ATXN3L: variants seen among roughly 807,000 people sequenced by gnomAD.
ATXN3L encodes the protein ataxin-3-like protein.
For synonymous variants in ATXN3L, 98 were observed against 96.1 expected (o/e 1.02, Z -0.12); for missense variants, 283 against 255.2 (o/e 1.11, Z -0.74).
At position 13,319,600 on chromosome X, in the gene ATXN3L, A is replaced by T. The variant is rs752553667; in HGVS notation, c.335T>A (p.Phe112Tyr). The change falls in exon 1 of 1, where the codon TTT becomes TAT. Residue 112 changes from phenylalanine to tyrosine, a missense_variant. By Grantham distance (22) the Phe-to-Tyr change is conservative (BLOSUM62 3). Transcript: ENST00000380622. ...CCAGTGTTGTTTATAATTACATATA[A>T]AAGATCTTTCATTTATAGGATCAAT... ...LGIDPINERS[F>Y]ICNYKQHWFT... 3.3e-6 allele frequency: 4 copies of T among 1,210,690 alleles called. No individual in the cohort carries two copies. In the South Asian group the frequency reaches 7.0e-5, roughly 21 times the overall value.
In ATXN3L at chrX:13,319,829, T is replaced by C. The variant is rs904693853; in HGVS notation, c.106A>G (p.Ile36Val). 1 of 1,211,349 alleles carries C rather than the reference T, an allele frequency of 8.3e-7. No individual in the cohort carries two copies. The highest frequency in any genetic ancestry group is 1.8e-5 in the South Asian group (1 of 56,986). The change falls in exon 1 of 1, where the codon ATT becomes GTT. Residue 36 changes from isoleucine to valine, a missense_variant. By Grantham distance (29) the Ile-to-Val change is conservative. Coordinates refer to ENST00000380622, the MANE Select transcript of ATXN3L (RefSeq NM_001135995.2). ...EYFSPVELAS[I>V]AHQLDEEERM... ...TCTTCTTCATCTAGCTGATGTGCAA[T>C]TGAGGCTAATTCCACAGGGCTAAAA...
At position 13,318,790 on chromosome X, in the gene ATXN3L, G is replaced by T; in HGVS notation, c.*77C>A. ...TTATTTCCTCATCTCTTTGACAGATGACCAAAATGGATCCTACAGTATAAT... is the reference window on the plus strand; with the variant it reads ...TTATTTCCTCATCTCTTTGACAGATTACCAAAATGGATCCTACAGTATAAT... On this transcript the variant is annotated 3_prime_UTR_variant, in exon 1 of 1. Transcript: ENST00000380622. The T allele has an allele frequency of 3.2e-6, 3 of 924,169 alleles. No homozygotes were observed. Among genetic ancestry groups the T allele is most frequent in the South Asian group, 2.5e-5 (1 of 39,699 alleles). The allele number at this position is 924,169 out of a possible 1,213,427, so 76.2% of individuals were successfully genotyped here.
At position 13,318,967 on chromosome X, in the gene ATXN3L, C is replaced by T. The variant is rs2044465592; in HGVS notation, c.968G>A (p.Ser323Asn). The change falls in exon 1 of 1, where the codon AGT becomes AAT. Residue 323 changes from serine (S) to asparagine (N), a missense_variant. Physicochemically the swap from Ser to Asn is conservative, Grantham distance 46. Coordinates refer to ENST00000380622, the MANE Select transcript of ATXN3L (RefSeq NM_001135995.2). ...RPTTSSRAIE[S>N]DLSDDISEGT... The stretch of plus-strand genomic sequence containing the variant: ...TTCACTGATGTCATCACTGAGATCA[C>T]TCTCAATTGCTCTCGAACTTGTTGT... The T allele has an allele frequency of 3.3e-6, 4 of 1,210,930 alleles. No homozygotes were observed. The South Asian group carries it at 7.0e-5, about 21-fold the overall frequency.
Position 13,319,521 on chromosome X carries a change from C to T in ATXN3L, c.414G>A (p.Ala138=), listed in dbSNP as rs760813499. The T allele has an allele frequency of 6.6e-6, 8 of 1,209,709 alleles. No homozygotes were observed. The highest frequency in any genetic ancestry group is 2.2e-5 in the Admixed American group (1 of 45,702). Residue 138 remains alanine (A), a synonymous_variant, in exon 1 of 1, where the codon GCG becomes GCA. Coordinates refer to ENST00000380622, the MANE Select transcript of ATXN3L (RefSeq NM_001135995.2). ...ATGTATCTGATATTAATTCTGGACC[C>T]GCCAAGAGAGAATTCAAGTTAAACC... ...KHWFNLNSLL[A]GPELISDTCL...
chrX:13,319,387 A>G lies in ATXN3L; in HGVS notation c.548T>C (p.Val183Ala), dbSNP rs2044472368. The change falls in exon 1 of 1, where the codon GTC (valine) becomes GCC (alanine). Residue 183 changes from valine (V) to alanine (A), a missense_variant. Physicochemically the swap from Val to Ala is moderately conservative, Grantham distance 64. Transcript: ENST00000380622. ...EADQLLQIIS[V>A]EEMDTPKLNG... is the part of the protein sequence containing the mutation. ...AAGTTTTGGTGTATCCATCTCTTCGACACTGATGATCTGCAGGAGTTGGTC... is the reference window on the plus strand; with the variant it reads ...AAGTTTTGGTGTATCCATCTCTTCGGCACTGATGATCTGCAGGAGTTGGTC... 4.1e-6 allele frequency: 5 copies of G among 1,209,559 alleles called. No homozygotes were observed. The highest frequency in any genetic ancestry group is 2.2e-5 in the Admixed American group (1 of 45,684).
At position 13,319,170 on chromosome X, in the gene ATXN3L, C is replaced by G. The variant is rs746258986; in HGVS notation, c.765G>C (p.Met255Ile). ...GCGATGTGTTTCCGGAACTACCTTGCATGCTTAACTCAATAGTACTGCGGA... is the reference window on the plus strand; with the variant it reads ...GCGATGTGTTTCCGGAACTACCTTGGATGCTTAACTCAATAGTACTGCGGA... The part of the protein sequence containing the change: ...EHLRSTIELS[M>I]QGSSGNTSQD... Residue 255 changes from methionine to isoleucine, a missense_variant, in exon 1 of 1, where the codon ATG becomes ATC. Physicochemically the swap from Met to Ile is conservative, Grantham distance 10. Coordinates refer to ENST00000380622, the MANE Select transcript of ATXN3L (RefSeq NM_001135995.2). The G allele has an allele frequency of 7.6e-5, 92 of 1,210,073 alleles. No individual in the cohort carries two copies. Among genetic ancestry groups the G allele is most frequent in the Non-Finnish European group, 1.0e-4 (90 of 895,259 alleles).
chrX:13,319,945 T>G lies in ATXN3L; in HGVS notation c.-11A>C. The G allele has an allele frequency of 8.5e-7, 1 of 1,169,667 alleles. No individual in the cohort carries two copies. Among genetic ancestry groups the G allele is most frequent in the South Asian group, 1.9e-5 (1 of 52,641 alleles). Reference sequence around the variant, plus strand: ...AAAGATGAAATCCATGTTAATTGTATCCGTGAGTTTCTGTAGGTATGCCGG... The same window carrying G: ...AAAGATGAAATCCATGTTAATTGTAGCCGTGAGTTTCTGTAGGTATGCCGG... On this transcript the variant is annotated 5_prime_UTR_variant, in exon 1 of 1. Transcript: ENST00000380622.
At position 13,319,082 on chromosome X, in the gene ATXN3L, CTTCTT is replaced by C. The variant is rs2044467485; in HGVS notation, c.848_852del (p.Lys283ArgfsTer4). On this transcript the variant is annotated frameshift_variant, in exon 1 of 1. Coordinates refer to ENST00000380622, the MANE Select transcript of ATXN3L (RefSeq NM_001135995.2). LOFTEE classifies it low-confidence loss of function (END_TRUNC). ...TCCTGCTGATGCTTTTCAAAATAGTCTTCTTTTATTTTCTTCGGCTGTTCTGAAGC... is the reference window on the plus strand; with the variant it reads ...TCCTGCTGATGCTTTTCAAAATAGTCTTATTTTCTTCGGCTGTTCTGAAGC... The C allele has an allele frequency of 8.3e-7, 1 of 1,211,393 alleles. No individual in the cohort carries two copies. Among genetic ancestry groups the C allele is most frequent in the Non-Finnish European group, 1.1e-6 (1 of 895,402 alleles).
Position 13,319,916 on chromosome X carries a change from C to G in ATXN3L, c.19G>C (p.Glu7Gln), listed in dbSNP as rs2044478074. 5 of 1,203,298 alleles carry G rather than the reference C, an allele frequency of 4.2e-6. No homozygotes were observed. Among genetic ancestry groups the G allele is most frequent in the Non-Finnish European group, 5.6e-6 (5 of 889,308 alleles). Residue 7 changes from glutamate to glutamine, a missense_variant, in exon 1 of 1, where the codon GAG (glutamate) becomes CAG (glutamine). By Grantham distance (29) the Glu-to-Gln change is conservative. Transcript: ENST00000380622. ...GCACACAGGAAACCTTCCTGTTTCT[C>G]ATGAAAGATGAAATCCATGTTAATT... MDFIFHEKQEGFLCAQH... is the reference protein window; with the variant it reads MDFIFHQKQEGFLCAQH...
rs201093759 is a variant in ATXN3L at position 13,319,329 on chromosome X, A to G, written c.606T>C (p.His202=). 6.3e-5 allele frequency: 76 copies of G among 1,209,099 alleles called. No individual in the cohort carries two copies. Among genetic ancestry groups the G allele is most frequent in the Admixed American group, 3.3e-4 (15 of 45,670 alleles). The change falls in exon 1 of 1, where the codon CAT becomes CAC. Residue 202 remains histidine (H), a synonymous_variant. Coordinates refer to ENST00000380622, the MANE Select transcript of ATXN3L (RefSeq NM_001135995.2). ...TTTCAAGGACTGTTTTATAGACTCT[A>G]TGCTCTTTTTGTTTTACTAATTTTT... The part of the protein sequence containing the change: ...NGKKLVKQKE[H]RVYKTVLEKV...
rs2044468563 is a variant in ATXN3L, at chrX:13,319,158, G to A, written c.777C>T (p.Ser259=). 9 of 1,211,371 alleles carry A rather than the reference G, an allele frequency of 7.4e-6. No individual in the cohort carries two copies. The highest frequency in any genetic ancestry group is 3.0e-5 in the East Asian group (1 of 33,851). Reference sequence around the variant, plus strand: ...TTGGAAGATCTTGCGATGTGTTTCCGGAACTACCTTGCATGCTTAACTCAA... The same window carrying A: ...TTGGAAGATCTTGCGATGTGTTTCCAGAACTACCTTGCATGCTTAACTCAA... ...STIELSMQGS[S]GNTSQDLPKT... is the part of the protein sequence containing the mutation. Residue 259 remains serine (S), a synonymous_variant, in exon 1 of 1, where the codon TCC becomes TCT. Transcript: ENST00000380622.
chrX:13,319,239 G>T lies in ATXN3L; in HGVS notation c.696C>A (p.Ala232=). ...SDQDEEDFQR[A]LELSRQETNR... is the part of the protein sequence containing the mutation. Reference sequence around the variant, plus strand: ...TGGTTTCTTGGCGGCTTAGTTCAAGGGCCCTCTGAAAATCCTCCTCATCTT... The same window carrying T: ...TGGTTTCTTGGCGGCTTAGTTCAAGTGCCCTCTGAAAATCCTCCTCATCTT... Residue 232 remains alanine (A), a synonymous_variant, in exon 1 of 1, where the codon GCC becomes GCA. Coordinates refer to ENST00000380622, the MANE Select transcript of ATXN3L (RefSeq NM_001135995.2). The T allele has an allele frequency of 8.3e-7, 1 of 1,211,103 alleles. No individual in the cohort carries two copies. Among genetic ancestry groups the T allele is most frequent in the Non-Finnish European group, 1.1e-6 (1 of 895,124 alleles).
Position 13,319,653 on chromosome X carries a change from G to T in ATXN3L, c.282C>A (p.Phe94Leu). ...CGAGCTTCTGATATTCAGGATTATT[G>T]AAATGGATGATCTCTAAACCCCAGA... ...LKFWGLEIIH[F>L]NNPEYQKLGI... The change falls in exon 1 of 1, where the codon TTC (phenylalanine) becomes TTA (leucine). Residue 94 changes from phenylalanine (F) to leucine (L), a missense_variant. Physicochemically the swap from Phe to Leu is conservative, Grantham distance 22. Coordinates refer to ENST00000380622, the MANE Select transcript of ATXN3L (RefSeq NM_001135995.2). 1 of 1,211,356 alleles carries T rather than the reference G, an allele frequency of 8.3e-7. No individual in the cohort carries two copies. The highest frequency in any genetic ancestry group is 1.1e-6 in the Non-Finnish European group (1 of 895,254).
Position 13,319,459 on chromosome X carries a change from G to A in ATXN3L, c.476C>T (p.Ala159Val), listed in dbSNP as rs780851738. 1.2e-5 allele frequency: 14 copies of A among 1,210,537 alleles called. No individual in the cohort carries two copies. In the East Asian group the frequency reaches 3.0e-4, roughly 26 times the overall value. The stretch of plus-strand genomic sequence containing the variant: ...ACCCTTGACAACAAATACAGAATAT[G>A]CTTGTTGTTGTAATCGAGCCAAGAA... ...ANFLARLQQQ[A>V]YSVFVVKGDL... The change falls in exon 1 of 1, where the codon GCA becomes GTA. Residue 159 changes from alanine (A) to valine (V), a missense_variant. Coordinates refer to ENST00000380622, the MANE Select transcript of ATXN3L (RefSeq NM_001135995.2).
chrX:13,318,807 C>G lies in ATXN3L; in HGVS notation c.*60G>C, dbSNP rs1415961638. 9 of 1,011,171 alleles carry G rather than the reference C, an allele frequency of 8.9e-6. No homozygotes were observed. The highest frequency in any genetic ancestry group is 1.2e-5 in the Non-Finnish European group (9 of 742,928). The allele number at this position is 1,011,171 out of a possible 1,213,427, so 83.3% of individuals were successfully genotyped here. A position where few individuals can be genotyped will look rare whatever the true frequency, so the allele number is the denominator to read the frequency against. On this transcript the variant is annotated 3_prime_UTR_variant, in exon 1 of 1. Transcript: ENST00000380622. Reference sequence around the variant, plus strand: ...TGACAGATGACCAAAATGGATCCTACAGTATAATCACACAGGATAATGTTG... The same window carrying G: ...TGACAGATGACCAAAATGGATCCTAGAGTATAATCACACAGGATAATGTTG...
rs1356240023 is a variant in ATXN3L at position 13,318,759 on chromosome X, A to C, written c.*108T>G. ...CGTCATTTTGTTTGCAAACTGTCTA[A>C]AAGCCTTATTTCCTCATCTCTTTGA... On this transcript the variant is annotated 3_prime_UTR_variant, in exon 1 of 1. Coordinates refer to ENST00000380622, the MANE Select transcript of ATXN3L (RefSeq NM_001135995.2). The C allele has an allele frequency of 3.7e-5, 24 of 643,523 alleles. No homozygotes were observed. In the Admixed American group the frequency reaches 4.3e-4, roughly 12 times the overall value. 53.0% of individuals were successfully genotyped at this position (643,523 alleles called of 1,213,427 possible).
rs775387261 is a variant in ATXN3L at position 13,319,075 on chromosome X, A to G, written c.860T>C (p.Phe287Ser). 9 of 1,209,612 alleles carry G rather than the reference A, an allele frequency of 7.4e-6. No homozygotes were observed. In the East Asian group the frequency reaches 2.1e-4, roughly 28 times the overall value. ...CTTCTGTTCCTGCTGATGCTTTTCA[A>G]AATAGTCTTCTTTTATTTTCTTCGG... ...EQPKKIKEDY[F>S]EKHQQEQKQQ... The change falls in exon 1 of 1, where the codon TTT becomes TCT. Residue 287 changes from phenylalanine (F) to serine (S), a missense_variant. By Grantham distance (155) the Phe-to-Ser change is radical. Coordinates refer to ENST00000380622, the MANE Select transcript of ATXN3L (RefSeq NM_001135995.2).
chrX:13,319,706 T>C lies in ATXN3L; in HGVS notation c.229A>G (p.Ile77Val). 1.7e-6 allele frequency: 2 copies of C among 1,211,803 alleles called. No homozygotes were observed. Among genetic ancestry groups the C allele is most frequent in the African/African-American group, 1.7e-5 (1 of 57,891 alleles). ...TTCAAGGCATTGCTTATTACCTGAA[T>C]GGAGAAGAAACCGGTATCATCCATG... ...ENMDDTGFFS[I>V]QVISNALKFW... Residue 77 changes from isoleucine to valine, a missense_variant, in exon 1 of 1, where the codon ATT becomes GTT. Coordinates refer to ENST00000380622, the MANE Select transcript of ATXN3L (RefSeq NM_001135995.2).
rs748416747 is a variant in ATXN3L at position 13,319,919 on chromosome X, G to A, written c.16C>T (p.His6Tyr). The A allele has an allele frequency of 1.9e-5, 23 of 1,201,923 alleles. No homozygotes were observed. The South Asian group carries it at 4.1e-4, about 22-fold the overall frequency. ...CACAGGAAACCTTCCTGTTTCTCAT[G>A]AAAGATGAAATCCATGTTAATTGTA... The part of the protein sequence containing the change: MDFIF[H>Y]EKQEGFLCAQ... Residue 6 changes from histidine (H) to tyrosine (Y), a missense_variant, in exon 1 of 1, where the codon CAT becomes TAT. Transcript: ENST00000380622.
Sources: gnomAD v4.1 joint callset for allele counts on GRCh38, gnomAD v4.1.1 for gene constraint, MANE v1.5 for transcripts, NCBI Gene and HGNC (gene_info 2026-07-23, HGNC 2026-07-21) for gene names.